The following EYS variants were observed in gnomAD, a reference collection of about 807,000 sequenced individuals.
EYS encodes the protein EGF-like photoreceptor maintenance factor.
EYS carries 250 observed loss-of-function variants against 282.1 expected under a neutral mutation model. The observed-to-expected ratio is 0.89, with a 90% CI of 0.80 to 0.98. The LOEUF is 0.98. EYS is among the 50% of genes least tolerant of loss of function. EYS has a pLI of 0.00. For synonymous variants in EYS, 1,355 were observed against 1,282.9 expected (o/e 1.06, Z -1.20); for missense variants, 4,016 against 3,709.0 (o/e 1.08, Z -2.15).
chr6:64,876,489 G>A (rs1285622582), intron 19 of EYS, among the ~76,000 whole-genome samples: 1 of 152,064 alleles, frequency 6.6e-6, no homozygotes, highest in Non-Finnish European at 1.5e-5. Flanking sequence ...AAATTTTTGT[G>A]TGCCTTTAAT....
intron 22 of EYS, among the ~76,000 whole-genome samples, chr6:64,728,059 C>T (rs1180467080): frequency 6.6e-6 from 1 of 152,070 alleles, no homozygotes; most frequent in African/African-American, 2.4e-5. Flanking sequence ...GGGTGGACTC[C>T]CCTGGCTCAG....
intron 12 of EYS, among the ~76,000 whole-genome samples, chr6:65,129,367 A>G (rs1481224922): frequency 2.0e-5 from 3 of 152,070 alleles, no homozygotes; most frequent in Non-Finnish European, 4.4e-5. Flanking sequence ...AGACATTCTC[A>G]ATAGAATAAA....
intron 12 of EYS, among the ~76,000 whole-genome samples, chr6:65,280,812 G>A (rs1768195883): frequency 6.6e-6 from 1 of 150,480 alleles, no homozygotes; most frequent in Non-Finnish European, 1.5e-5. Flanking sequence ...GAGGTCAGGA[G>A]TTCGAGACAA....
intron 12 of EYS, among the ~76,000 whole-genome samples, chr6:65,249,785 T>C (rs1001787243): frequency 6.6e-6 from 1 of 152,056 alleles, no homozygotes; most frequent in Non-Finnish European, 1.5e-5. Flanking sequence ...GTGGAGAAGA[T>C]AAATTATAAA....
intron 19 of EYS, among the ~76,000 whole-genome samples, chr6:64,867,453 T>C (rs1480160336): frequency 5.3e-5 from 8 of 151,730 alleles, no homozygotes; most frequent in African/African-American, 1.9e-4. Context: ...AAACATTCTA[T>C]CTTTTTCCTA....
chr6:63,982,036 A>G (rs1024992767), intron 35 of EYS, among the ~76,000 whole-genome samples: 1 of 151,826 alleles, frequency 6.6e-6, no homozygotes, highest in Non-Finnish European at 1.5e-5. Flanking sequence ...TAAATAACTG[A>G]GATTGGAATT....
intron 26 of EYS, among the ~76,000 whole-genome samples, chr6:64,556,935 T>C (rs570490878): frequency 2.0e-5 from 3 of 151,982 alleles, no homozygotes; most frequent in African/African-American, 7.2e-5. Flanking sequence ...CAAAGAGAGG[T>C]AATATTGACA....
intron 41 of EYS, among the ~76,000 whole-genome samples, chr6:63,728,889 T>C (rs1051809110): frequency 1.3e-5 from 2 of 152,194 alleles, no homozygotes; most frequent in Non-Finnish European, 2.9e-5. Context: ...AGAGCATTTT[T>C]AGTTTTGTAA....
At chr6:65,449,502 A>G (rs1764325381) in intron 5 of EYS, among the ~76,000 whole-genome samples, 1 of 152,116 alleles carries the variant, frequency 6.6e-6, no homozygotes, top group Non-Finnish European at 1.5e-5. Context: ...AAAGAACAAC[A>G]CTGAGATTAA....
At chr6:63,859,451 A>G (rs1161054901) in intron 36 of EYS, among the ~76,000 whole-genome samples, 3 of 152,018 alleles carry the variant, frequency 2.0e-5, no homozygotes, top group Non-Finnish European at 2.9e-5. Context: ...CTCAAGGACC[A>G]TGTTCCATTG....
At chr6:65,289,721 A>C (rs1768469709) in intron 12 of EYS, among the ~76,000 whole-genome samples, 1 of 151,228 alleles carries the variant, frequency 6.6e-6, no homozygotes, top group Non-Finnish European at 1.5e-5. Context: ...CTAACAAATC[A>C]TAGCAGTATT....
At chr6:65,677,112 A>G (rs1768639426) in intron 1 of EYS, among the ~76,000 whole-genome samples, 1 of 148,752 alleles carries the variant, frequency 6.7e-6, no homozygotes. Flanking sequence ...GGTGAAAAAA[A>G]AAAAAAAAAA....
At chr6:65,037,847 A>G (rs1044832796) in intron 13 of EYS, among the ~76,000 whole-genome samples, 1 of 151,734 alleles carries the variant, frequency 6.6e-6, no homozygotes, top group Non-Finnish European at 1.5e-5. Flanking sequence ...ACATGCATGT[A>G]CATATATTTA....
At chr6:65,331,371 C>A (rs1207270127) in intron 11 of EYS, 1 of 762,322 alleles carries the variant, frequency 1.3e-6, no homozygotes, top group Non-Finnish European at 1.6e-6. Flanking sequence ...AGAATTAGAG[C>A]ATCTTTTTTT....
intron 5 of EYS, among the ~76,000 whole-genome samples, chr6:65,474,117 G>A (rs937899562): frequency 6.6e-6 from 1 of 152,056 alleles, no homozygotes; most frequent in South Asian, 2.1e-4. Context: ...CAAGAAGACA[G>A]TAAATGACAA....
At chr6:64,731,815 A>G (rs978106860) in intron 22 of EYS, among the ~76,000 whole-genome samples, 2 of 152,222 alleles carry the variant, frequency 1.3e-5, no homozygotes, top group African/African-American at 2.4e-5. Flanking sequence ...TACTGCGCAT[A>G]TACCCAAAGG....
intron 33 of EYS, among the ~76,000 whole-genome samples, chr6:64,025,178 C>G (rs1769430131): frequency 6.6e-6 from 1 of 152,144 alleles, no homozygotes; most frequent in Admixed American, 6.5e-5. Context: ...GGACTAAAGA[C>G]ACGGGTGCCA....
intron 26 of EYS, among the ~76,000 whole-genome samples, chr6:64,552,510 T>A (rs529018656): frequency 6.6e-6 from 1 of 152,248 alleles, no homozygotes; most frequent in East Asian, 1.9e-4. Context: ...GGAGCCTTCA[T>A]CTGCATAATA....
intron 32 of EYS, among the ~76,000 whole-genome samples, chr6:64,073,762 A>G (rs762027389): frequency 1.3e-4 from 19 of 151,076 alleles, no homozygotes; most frequent in Non-Finnish European, 2.5e-4. Context: ...CTTTATATAT[A>G]TGTGTGTGTG....
Sources: allele counts gnomAD v4.1 joint callset (sites outside exome capture counted in the v4.1 genomes callset), GRCh38; gene constraint gnomAD v4.1.1; transcripts MANE v1.5; gene names NCBI Gene and HGNC (gene_info 2026-07-23, HGNC 2026-07-21).